EPS15: variants seen among roughly 807,000 people sequenced by gnomAD.
The protein encoded by EPS15 is epidermal growth factor receptor substrate 15.
A neutral mutation model predicts 113.8 loss-of-function variants in EPS15; 72 were observed. The observed-to-expected ratio is 0.63, with a 90% CI of 0.52 to 0.77. EPS15 has a LOEUF of 0.77. Ranked by LOEUF, EPS15 falls within the 30% of genes least tolerant of loss-of-function variation. The pLI, the probability that EPS15 is intolerant of heterozygous loss-of-function variation, is 0.00. For synonymous variants in EPS15, 344 were observed against 363.4 expected, an observed-to-expected ratio of 0.95 and a Z score of 0.61; for missense variants, 1,048 against 1,045.8, an observed-to-expected ratio of 1.00 and a Z score of -0.03.
At chr1:51,444,398 G>GTCAAA (rs1652844125) in intron 11 of EPS15, among the ~76,000 whole-genome samples, 2 of 152,282 alleles carry the variant, frequency 1.3e-5, no homozygotes, top group South Asian at 4.1e-4. Context: ...GGAACAAAAG[G>GTCAAA]TCACCTACAG....
chr1:51,388,020 A>C (rs1001994958), intron 21 of EPS15, among the ~76,000 whole-genome samples: 1 of 152,126 alleles, frequency 6.6e-6, no homozygotes, highest in South Asian at 2.1e-4. Context: ...AATATACATT[A>C]TTTTCAGCAC....
chr1:51,396,508 T>A (rs1329751621), intron 20 of EPS15, among the ~76,000 whole-genome samples: 1 of 152,212 alleles, frequency 6.6e-6, no homozygotes, highest in African/African-American at 2.4e-5. Context: ...GTGCTCAACC[T>A]GTATTATTAC....
intron 21 of EPS15, among the ~76,000 whole-genome samples, chr1:51,378,399 G>A (rs1273697365): frequency 1.3e-5 from 2 of 152,062 alleles, no homozygotes; most frequent in Non-Finnish European, 2.9e-5. Context: ...GCTCACACCT[G>A]TAATCCTAGC....
intron 1 of EPS15, among the ~76,000 whole-genome samples, chr1:51,503,340 A>G (rs1396086221): frequency 6.6e-6 from 1 of 152,218 alleles, no homozygotes; most frequent in African/African-American, 2.4e-5. Flanking sequence ...ATCTTGAAAG[A>G]AAAAAGCAAA....
At chr1:51,470,181 G>C (rs984987198) in intron 4 of EPS15, among the ~76,000 whole-genome samples, 4 of 152,114 alleles carry the variant, frequency 2.6e-5, no homozygotes, top group Non-Finnish European at 5.9e-5. Context: ...ATAGTTGTGA[G>C]GCCAAGGGCA....
chr1:51,361,181 T>G lies in EPS15; in HGVS notation c.2534A>C (p.Asn845Thr), dbSNP rs151081025. 6.2e-7 allele frequency: 1 copy of G among 1,613,802 alleles called. No individual in the cohort carries two copies. The highest frequency in any genetic ancestry group is 1.1e-5 in the South Asian group (1 of 91,052). The change falls in exon 24 of 25, where the codon AAC becomes ACC. Residue 845 changes from asparagine to threonine, a missense_variant. Transcript: ENST00000371733. ...NKEADPSNFA[N>T]FSAYPSEEDM... ...ATTCACAGTACTTACAGCACTGAAG[T>G]TGGCAAAATTGCTTGGATCAGCCTC...
chr1:51,472,541 G>A (rs1442862183), intron 3 of EPS15, among the ~76,000 whole-genome samples: 2 of 152,186 alleles, frequency 1.3e-5, no homozygotes, highest in African/African-American at 4.8e-5. Flanking sequence ...AACAGAGGAA[G>A]TAGGGATAGA....
At chr1:51,395,240 A>G (rs1280561944) in intron 20 of EPS15, among the ~76,000 whole-genome samples, 1 of 152,136 alleles carries the variant, frequency 6.6e-6, no homozygotes, top group East Asian at 1.9e-4. Flanking sequence ...AGTTTCCCCT[A>G]ATGTTAATAT....
chr1:51,424,197 TA>T (rs1051103436), intron 12 of EPS15, among the ~76,000 whole-genome samples: 1 of 152,158 alleles, frequency 6.6e-6, no homozygotes, highest in African/African-American at 2.4e-5. Flanking sequence ...CACTTTCTAT[TA>T]AAAAAATTAT....
intron 4 of EPS15, among the ~76,000 whole-genome samples, chr1:51,470,920 G>A (rs916629771): frequency 3.3e-5 from 5 of 152,112 alleles, no homozygotes; most frequent in African/African-American, 1.2e-4. Flanking sequence ...GGGCCCCTAT[G>A]AATTTTGTTT....
At chr1:51,515,851 T>C (rs1273764198) in intron 1 of EPS15, among the ~76,000 whole-genome samples, 1 of 152,240 alleles carries the variant, frequency 6.6e-6, no homozygotes, top group Non-Finnish European at 1.5e-5. Flanking sequence ...CACCACTTAC[T>C]AGCTTACTTA....
chr1:51,417,359 G>A (rs1269269089), intron 13 of EPS15, among the ~76,000 whole-genome samples: 3 of 152,038 alleles, frequency 2.0e-5, no homozygotes, highest in Non-Finnish European at 4.4e-5. Flanking sequence ...CTACCTATGG[G>A]TTCCAGTTAT....
At position 51,440,390 on chromosome 1, in the gene EPS15, T is replaced by C; in HGVS notation, c.997A>G (p.Lys333Glu). The C allele has an allele frequency of 6.3e-7, 1 of 1,593,356 alleles. No individual in the cohort carries two copies. The highest frequency in any genetic ancestry group is 2.2e-5 in the East Asian group (1 of 44,516). The change falls in exon 12 of 25, where the codon AAG becomes GAG. Residue 333 changes from lysine to glutamate, a missense_variant. Coordinates refer to ENST00000371733, the MANE Select transcript of EPS15 (RefSeq NM_001981.3). ...SSPVADFSAI[K>E]ELDTLNNEIV... The stretch of plus-strand genomic sequence containing the variant: ...TCATTGTTAAGAGTATCTAGTTCCT[T>C]AATAGCAGAGAAATCTGCAACAGGA...
intron 21 of EPS15, chr1:51,372,391 G>A (rs1422767970): frequency 1.9e-6 from 1 of 536,246 alleles, no homozygotes; most frequent in Non-Finnish European, 3.8e-6. Flanking sequence ...TTGGGGTCAT[G>A]GCAGACAAAA....
At chr1:51,400,587 C>T (rs1269465401) in intron 19 of EPS15, among the ~76,000 whole-genome samples, 2 of 150,776 alleles carry the variant, frequency 1.3e-5, no homozygotes, top group African/African-American at 2.4e-5. Flanking sequence ...GACCTAGGTA[C>T]TCAGGAGGCT....
chr1:51,466,007 A>G (rs1044856401), intron 5 of EPS15, among the ~76,000 whole-genome samples: 7 of 149,688 alleles, frequency 4.7e-5, no homozygotes, highest in Non-Finnish European at 1.0e-4. Context: ...CTTAAAATTT[A>G]AAAAAACAAA....
chr1:51,429,608 T>C (rs1230722659), intron 12 of EPS15, among the ~76,000 whole-genome samples: 1 of 151,078 alleles, frequency 6.6e-6, no homozygotes, highest in African/African-American at 2.4e-5. Flanking sequence ...AGAACTTCTG[T>C]ACTAGGTAAA....
chr1:51,359,499 C>A lies in EPS15; in HGVS notation c.2544+1672G>T, dbSNP rs562815578. Among the ~76,000 whole-genome samples, 7 of 150,482 alleles carry A rather than the reference C, an allele frequency of 4.7e-5. No homozygotes were observed. In the South Asian group the frequency reaches 1.5e-3, roughly 32 times the overall value. On this transcript the variant is annotated intron_variant, in intron 24 of 24. Coordinates refer to ENST00000371733, the MANE Select transcript of EPS15 (RefSeq NM_001981.3). ...GTAAGGCTGGGCGCGATGGCTCACA[C>A]CTGTAATCCCAACACTTTGAGAGGC...
chr1:51,369,822 G>A (rs1296952982), intron 21 of EPS15, among the ~76,000 whole-genome samples: 1 of 152,142 alleles, frequency 6.6e-6, no homozygotes, highest in East Asian at 1.9e-4. Flanking sequence ...TATGAAGACA[G>A]GAACTTTGTT....
Sources: gnomAD v4.1 joint callset for allele counts (sites outside exome capture counted in the v4.1 genomes callset) on GRCh38, gnomAD v4.1.1 for gene constraint, MANE v1.5 for transcripts, NCBI Gene and HGNC (gene_info 2026-07-23, HGNC 2026-07-21) for gene names.